Variants in XYLT1 observed in about 807,000 individuals in gnomAD.
XYLT1 encodes xylosyltransferase 1, also known as beta-D-xylosyltransferase 1.
Under a neutral mutation model 91.3 loss-of-function variants are expected in XYLT1, and 36 were observed. The observed-to-expected ratio is 0.39, with a 90% CI of 0.30 to 0.52. The LOEUF (loss-of-function observed/expected upper bound fraction) is 0.52. XYLT1 is among the 20% of genes least tolerant of loss of function. XYLT1 has a pLI of 0.68. For synonymous variants in XYLT1, 588 were observed against 532.0 expected, an observed-to-expected ratio of 1.11 and a Z score of -1.45; for missense variants, 1,242 against 1,284.5, an observed-to-expected ratio of 0.97 and a Z score of 0.51.
intron 5 of XYLT1, among the ~76,000 whole-genome samples, chr16:17,184,919 T>C (rs2032151088): frequency 6.6e-6 from 1 of 152,122 alleles, no homozygotes; most frequent in Non-Finnish European, 1.5e-5. Context: ...ACAATACAAC[T>C]AAAAGTTATT....
At chr16:17,303,510 G>C (rs920774447) in intron 2 of XYLT1, among the ~76,000 whole-genome samples, 8 of 152,326 alleles carry the variant, frequency 5.3e-5, no homozygotes, top group Middle Eastern at 3.4e-3. Context: ...TAAACAAAGA[G>C]ACATGTTGAT....
Position 17,102,304 on chromosome 16 carries a change from G to A in XYLT1, c.*6391C>T, listed in dbSNP as rs1458207950. 2 of 152,606 alleles carry A rather than the reference G, an allele frequency of 1.3e-5. No homozygotes were observed. Among genetic ancestry groups the A allele is most frequent in the Non-Finnish European group, 2.9e-5 (2 of 68,026 alleles). The allele number at this position is 152,606 out of a possible 1,614,324, so 9.5% of individuals were successfully genotyped here. On this transcript the variant is annotated 3_prime_UTR_variant, in exon 12 of 12. Coordinates refer to ENST00000261381, the MANE Select transcript of XYLT1 (RefSeq NM_022166.4). Reference sequence around the variant, plus strand: ...TAAAGATGCACAATGTTGCTGAAAAGAAGCCACATATAGTCACTGTTCCAT... The same window carrying A: ...TAAAGATGCACAATGTTGCTGAAAAAAAGCCACATATAGTCACTGTTCCAT...
intron 1 of XYLT1, among the ~76,000 whole-genome samples, chr16:17,440,329 T>C (rs373544039): frequency 6.6e-5 from 10 of 152,344 alleles, no homozygotes; most frequent in African/African-American, 2.4e-4. Flanking sequence ...ATTCAAGAGA[T>C]GCACTGAACC....
At chr16:17,121,947 G>A (rs1295091966) in intron 10 of XYLT1, among the ~76,000 whole-genome samples, 2 of 151,642 alleles carry the variant, frequency 1.3e-5, no homozygotes, top group African/African-American at 4.9e-5. Context: ...TTATGGCTGA[G>A]TAGTATTCCA....
At chr16:17,363,148 G>A (rs767567442) in intron 1 of XYLT1, among the ~76,000 whole-genome samples, 4 of 152,214 alleles carry the variant, frequency 2.6e-5, no homozygotes, top group African/African-American at 4.8e-5. Flanking sequence ...GAGCCTGCTG[G>A]AGAATGTCCA....
chr16:17,306,648 C>A (rs1356226110), intron 2 of XYLT1, among the ~76,000 whole-genome samples: 2 of 151,822 alleles, frequency 1.3e-5, no homozygotes, highest in Admixed American at 6.6e-5. Flanking sequence ...AGACAGACTT[C>A]CAAAAAACTG....
At chr16:17,298,382 C>T (rs770648424) in intron 2 of XYLT1, among the ~76,000 whole-genome samples, 25 of 152,210 alleles carry the variant, frequency 1.6e-4, no homozygotes, top group Non-Finnish European at 1.5e-4. Context: ...CTTCACAGCA[C>T]GCCTGGTGGC....
At chr16:17,367,242 AC>A (rs2035466977) in intron 1 of XYLT1, among the ~76,000 whole-genome samples, 2 of 152,126 alleles carry the variant, frequency 1.3e-5, no homozygotes, top group Admixed American at 1.3e-4. Context: ...GGCATCTCAG[AC>A]CATAAACAAG....
intron 1 of XYLT1, among the ~76,000 whole-genome samples, chr16:17,363,294 AACCAT>A (rs1196943994): frequency 6.6e-6 from 1 of 152,216 alleles, no homozygotes; most frequent in Non-Finnish European, 1.5e-5. Flanking sequence ...CCAGAGTTCA[AACCAT>A]ACATAACCAC....
At chr16:17,156,933 T>C (rs1318765020) in intron 6 of XYLT1, among the ~76,000 whole-genome samples, 2 of 145,066 alleles carry the variant, frequency 1.4e-5, no homozygotes, top group Non-Finnish European at 1.5e-5. Flanking sequence ...AACACAAGGA[T>C]TCTAGGGTTA....
At chr16:17,147,877 G>C (rs754511558) in intron 6 of XYLT1, among the ~76,000 whole-genome samples, 1 of 152,214 alleles carries the variant, frequency 6.6e-6, no homozygotes, top group African/African-American at 2.4e-5. Context: ...AGGGGCGCAT[G>C]GCTCTCTCAC....
chr16:17,417,373 C>T lies in XYLT1; in HGVS notation c.363+53061G>A, dbSNP rs191323597. On this transcript the variant is annotated intron_variant, in intron 1 of 11. Transcript: ENST00000261381. ...ATTCCCTCATTCTCTCAGCTCTAGT[C>T]TAGTCTGGATCCTTTTGCAGTCCTG... is the stretch of plus-strand genomic sequence containing the variant. 1.2e-3 allele frequency among the ~76,000 whole-genome samples: 178 copies of T among 152,288 alleles called. 2 individuals carry two copies. Among genetic ancestry groups the T allele is most frequent in the Non-Finnish European group, 1.2e-3 (81 of 68,016 alleles).
chr16:17,137,843 G>C (rs563319050), intron 8 of XYLT1, among the ~76,000 whole-genome samples: 2 of 152,168 alleles, frequency 1.3e-5, no homozygotes, highest in African/African-American at 2.4e-5. Flanking sequence ...CACTGATGAG[G>C]GTTTCTCAAC....
chr16:17,423,347 C>G (rs548738789), intron 1 of XYLT1, among the ~76,000 whole-genome samples: 1 of 149,886 alleles, frequency 6.7e-6, no homozygotes, highest in East Asian at 1.9e-4. Flanking sequence ...TCCTCAGGGG[C>G]AGCTGAGTCT....
At chr16:17,232,470 C>A in intron 3 of XYLT1, among the ~76,000 whole-genome samples, 1 of 126,784 alleles carries the variant, frequency 7.9e-6, no homozygotes, top group Admixed American at 8.7e-5. Flanking sequence ...TATATATTGC[C>A]CATGTCAAAA....
intron 1 of XYLT1, among the ~76,000 whole-genome samples, chr16:17,412,725 C>T (rs2036128169): frequency 6.6e-6 from 1 of 152,160 alleles, no homozygotes; most frequent in Non-Finnish European, 1.5e-5. Context: ...TCTTGGAAGG[C>T]AGCCCAACTG....
At chr16:17,405,740 C>T (rs1329571181) in intron 1 of XYLT1, among the ~76,000 whole-genome samples, 2 of 152,142 alleles carry the variant, frequency 1.3e-5, no homozygotes, top group Non-Finnish European at 2.9e-5. Flanking sequence ...GACGAGAACC[C>T]AGGGTTGAAG....
At chr16:17,247,923 C>T (rs1004175054) in intron 3 of XYLT1, among the ~76,000 whole-genome samples, 1 of 152,162 alleles carries the variant, frequency 6.6e-6, no homozygotes, top group African/African-American at 2.4e-5. Context: ...AAGATGACCT[C>T]TTGTTCAGGG....
intron 2 of XYLT1, among the ~76,000 whole-genome samples, chr16:17,341,269 G>C (rs1033860084): frequency 2.0e-5 from 3 of 152,180 alleles, no homozygotes; most frequent in Non-Finnish European, 4.4e-5. Context: ...CAGTGAAATA[G>C]ATGATGAAAT....
Sources: allele counts gnomAD v4.1 joint callset (sites outside exome capture counted in the v4.1 genomes callset), GRCh38; gene constraint gnomAD v4.1.1; transcripts MANE v1.5; gene names NCBI Gene and HGNC (gene_info 2026-07-23, HGNC 2026-07-21).